Variants in TPO observed in about 807,000 individuals in gnomAD.
The protein encoded by TPO is thyroid microsomal antigen.
Under a neutral mutation model 96.9 loss-of-function variants are expected in TPO, and 78 were observed. The ratio of observed to expected loss-of-function variants is 0.81; its 90% confidence interval spans 0.67 to 0.97. The LOEUF (loss-of-function observed/expected upper bound fraction) is 0.97. Among genes scored for constraint, TPO ranks in the 50% least tolerant of loss-of-function variants. The probability of loss-of-function intolerance (pLI) is 0.00; values close to 1 mark genes in which losing one functional copy is unlikely to be tolerated. For synonymous variants in TPO, 547 were observed against 538.0 expected (o/e 1.02, Z -0.23); for missense variants, 1,252 against 1,274.8 (o/e 0.98, Z 0.27).
intron 15 of TPO, among the ~76,000 whole-genome samples, chr2:1,537,276 T>A (rs1359526990): frequency 1.3e-5 from 1 of 76,238 alleles, no homozygotes; most frequent in African/African-American, 5.8e-5. Flanking sequence ...GTGTGCAACC[T>A]CCCCAAATCC....
At chr2:1,395,037 A>AC (rs963770720) in intron 1 of TPO, among the ~76,000 whole-genome samples, 10 of 151,748 alleles carry the variant, frequency 6.6e-5, no homozygotes, top group African/African-American at 2.2e-4. Context: ...GGATGAAAAA[A>AC]AATTGCAGTT....
At chr2:1,492,409 C>T (rs557431978) in intron 10 of TPO, among the ~76,000 whole-genome samples, 1 of 152,322 alleles carries the variant, frequency 6.6e-6, no homozygotes, top group Admixed American at 6.5e-5. Context: ...CCCGCCTCGG[C>T]CTCCAAAAGT....
chr2:1,391,572 G>T (rs974959014), intron 1 of TPO, among the ~76,000 whole-genome samples: 20 of 152,276 alleles, frequency 1.3e-4, no homozygotes, highest in African/African-American at 4.8e-4. Flanking sequence ...GTAGCTTGAT[G>T]GGGATGGCAT....
chr2:1,530,371 T>TCCC (rs1677815989), intron 15 of TPO, among the ~76,000 whole-genome samples: 1 of 92,528 alleles, frequency 1.1e-5, no homozygotes, highest in Non-Finnish European at 2.2e-5. Context: ...TCCCCAAATA[T>TCCC]CCCCAGTGTG....
chr2:1,404,145 T>G (rs1210900602), intron 1 of TPO, among the ~76,000 whole-genome samples: 2 of 152,196 alleles, frequency 1.3e-5, no homozygotes, highest in African/African-American at 4.8e-5. Flanking sequence ...GTGGAGGGGC[T>G]AAGAGACACC....
At chr2:1,437,460 G>A (rs553814471) in intron 5 of TPO, among the ~76,000 whole-genome samples, 2 of 152,000 alleles carry the variant, frequency 1.3e-5, no homozygotes, top group African/African-American at 4.8e-5. Flanking sequence ...CCCCCCGAGA[G>A]AGGGATCAGC....
intron 1 of TPO, among the ~76,000 whole-genome samples, chr2:1,405,271 TCACTCACACACAC>T (rs1662233125): frequency 6.7e-6 from 1 of 149,476 alleles, no homozygotes; most frequent in Non-Finnish European, 1.5e-5. Flanking sequence ...CACCCATTAA[TCACTCACACACAC>T]ATCCATCCAT....
chr2:1,484,854 G>A lies in TPO; in HGVS notation c.1597G>A (p.Gly533Ser), dbSNP rs778627146. 3.7e-6 allele frequency: 6 copies of A among 1,613,714 alleles called. No homozygotes were observed. Among genetic ancestry groups the A allele is most frequent in the Non-Finnish European group, 5.1e-6 (6 of 1,180,038 alleles). The part of the protein sequence containing the change: ...FFSPWTLLRG[G>S]GLDPLIRGLL... ...CAGCCCATGGACATTACTCCGTGGAGGTGAGTGAGTGCGGTCCCTGCAGCT... is the reference window on the plus strand; with the variant it reads ...CAGCCCATGGACATTACTCCGTGGAAGTGAGTGAGTGCGGTCCCTGCAGCT... The change falls in exon 9 of 17, where the codon GGT becomes AGT. Residue 533 changes from glycine (G) to serine (S), a missense_variant and splice_region_variant. By Grantham distance (56) the Gly-to-Ser change is moderately conservative. Coordinates refer to ENST00000329066, the MANE Select transcript of TPO (RefSeq NM_001206744.2).
At chr2:1,454,458 G>A (rs1667603433) in intron 6 of TPO, among the ~76,000 whole-genome samples, 1 of 152,192 alleles carries the variant, frequency 6.6e-6, no homozygotes, top group African/African-American at 2.4e-5. Flanking sequence ...CCAGCACAGA[G>A]TTCCCCTACA....
intron 3 of TPO, among the ~76,000 whole-genome samples, chr2:1,426,617 A>G (rs1209509778): frequency 6.6e-6 from 1 of 152,244 alleles, no homozygotes; most frequent in Non-Finnish European, 1.5e-5. Context: ...ATTGTTTTAG[A>G]TGCCAGGATA....
In TPO at chr2:1,542,769, ATCCTCCT is replaced by A; in HGVS notation, c.*296_*302del. ...GAACCCTGGAAACACCACTCTTGCAATCCTCCTGTCTCCACCTTCTGGCATCTCTGAT... is the reference window on the plus strand; with the variant it reads ...GAACCCTGGAAACACCACTCTTGCAAGTCTCCACCTTCTGGCATCTCTGAT... On this transcript the variant is annotated 3_prime_UTR_variant, in exon 17 of 17. Transcript: ENST00000329066. 39 of 725,972 alleles carry A rather than the reference ATCCTCCT, an allele frequency of 5.4e-5. No homozygotes were observed. The highest frequency in any genetic ancestry group is 2.0e-4 in the Admixed American group (7 of 34,874). 45.0% of individuals were successfully genotyped at this position (725,972 alleles called of 1,614,324 possible). A position where few individuals can be genotyped will look rare whatever the true frequency, so the allele number is the denominator to read the frequency against.
chr2:1,493,186 T>TTGTGTG (rs142912352), intron 10 of TPO, among the ~76,000 whole-genome samples: 1 of 88,716 alleles, frequency 1.1e-5, no homozygotes, highest in Non-Finnish European at 2.1e-5. Context: ...ATAAAGATAT[T>TTGTGTG]TGTGTGTGTG....
At chr2:1,540,288 A>T (rs1222205638) in intron 15 of TPO, among the ~76,000 whole-genome samples, 1 of 152,172 alleles carries the variant, frequency 6.6e-6, no homozygotes, top group African/African-American at 2.4e-5. Context: ...ACTGGGGGGA[A>T]ATCCTCACTG....
chr2:1,378,838 C>T (rs1192816259), intron 1 of TPO, among the ~76,000 whole-genome samples: 3 of 152,154 alleles, frequency 2.0e-5, no homozygotes, highest in South Asian at 4.1e-4. Context: ...ACCCATTTGG[C>T]AGAGGGCTCT....
At chr2:1,479,931 G>A (rs1160993756) in intron 8 of TPO, among the ~76,000 whole-genome samples, 3 of 152,064 alleles carry the variant, frequency 2.0e-5, no homozygotes, top group African/African-American at 7.2e-5. Flanking sequence ...ACAGACATGT[G>A]CCACCACTCC....
chr2:1,531,577 C>A (rs1159505909), intron 15 of TPO, among the ~76,000 whole-genome samples: 1 of 70,354 alleles, frequency 1.4e-5, no homozygotes, highest in East Asian at 5.8e-4. Context: ...CCCCCACACT[C>A]TGTGCAACCG....
chr2:1,421,119 G>A (rs1663467879), intron 2 of TPO, among the ~76,000 whole-genome samples: 2 of 152,140 alleles, frequency 1.3e-5, no homozygotes, highest in Admixed American at 6.5e-5. Context: ...GGAGACCATG[G>A]AGAGAAGAGA....
chr2:1,480,559 TACACACACACACACACAC>T (rs3036105), intron 8 of TPO, among the ~76,000 whole-genome samples: 43 of 44,360 alleles, frequency 9.7e-4, no homozygotes, highest in South Asian at 6.8e-3. Flanking sequence ...TCAAACCCCC[TACACACACACACACACAC>T]ACACACACAC....
chr2:1,537,084 CAAAT>C, intron 15 of TPO, among the ~76,000 whole-genome samples: 2 of 36,590 alleles, frequency 5.5e-5, no homozygotes, highest in African/African-American at 1.9e-4. Context: ...GCAACCTCAC[CAAAT>C]CCGTCCACTG....
Sources: gnomAD v4.1 joint callset for allele counts (sites outside exome capture counted in the v4.1 genomes callset) on GRCh38, gnomAD v4.1.1 for gene constraint, MANE v1.5 for transcripts, NCBI Gene and HGNC (gene_info 2026-07-23, HGNC 2026-07-21) for gene names.